BAALC: variants seen among roughly 807,000 people sequenced by gnomAD.
BAALC encodes brain and acute leukemia cytoplasmic protein.
A neutral mutation model predicts 15.5 loss-of-function variants in BAALC; 9 were observed. The ratio of observed to expected loss-of-function variants is 0.58; its 90% CI spans 0.35 to 1.02. BAALC has a LOEUF of 1.02. Among genes scored for constraint, BAALC ranks in the 50% least tolerant of loss-of-function variants. The pLI is 0.02. For missense variants in BAALC, 201 were observed against 192.4 expected (o/e 1.04, Z -0.27); for synonymous variants, 80 against 74.6 (o/e 1.07, Z -0.37).
chr8:103,141,483 T>C, intron 1 of BAALC: 1 of 166,772 alleles, frequency 6.0e-6, no homozygotes, highest in South Asian at 2.0e-4. Flanking sequence ...TCTCATCCAT[T>C]GGCCACCTGG....
At chr8:103,151,333 A>T (rs1810981861) in intron 1 of BAALC, among the ~76,000 whole-genome samples, 1 of 152,158 alleles carries the variant, frequency 6.6e-6, no homozygotes, top group South Asian at 2.1e-4. Context: ...TTTGATTTTA[A>T]CAACAGGCAT....
chr8:103,164,515 A>G (rs1479893423), intron 1 of BAALC, among the ~76,000 whole-genome samples: 4 of 152,188 alleles, frequency 2.6e-5, no homozygotes, highest in African/African-American at 4.8e-5. Context: ...TGTGCCCAAT[A>G]ATATTTCATG....
At chr8:103,189,825 C>T (rs1224172482) in intron 1 of BAALC, among the ~76,000 whole-genome samples, 1 of 152,154 alleles carries the variant, frequency 6.6e-6, no homozygotes, top group Admixed American at 6.5e-5. Flanking sequence ...GGACCAGATG[C>T]AGTGGTGCAA....
At chr8:103,148,373 A>C (rs1057161188) in intron 1 of BAALC, among the ~76,000 whole-genome samples, 13 of 152,082 alleles carry the variant, frequency 8.5e-5, no homozygotes, top group South Asian at 2.1e-4. Context: ...AACCCTGCTG[A>C]TATCTTTTTT....
intron 1 of BAALC, among the ~76,000 whole-genome samples, chr8:103,147,779 C>T (rs545618122): frequency 1.6e-4 from 24 of 152,310 alleles, no homozygotes; most frequent in Middle Eastern, 3.4e-3. Flanking sequence ...CTTTGGCCTC[C>T]GCTGCAAAAT....
At chr8:103,206,792 G>T (rs1459379312) in intron 1 of BAALC, among the ~76,000 whole-genome samples, 1 of 152,134 alleles carries the variant, frequency 6.6e-6, no homozygotes, top group South Asian at 2.1e-4. Flanking sequence ...AGAGAAGCAG[G>T]ATGGGGCAGG....
intron 1 of BAALC, among the ~76,000 whole-genome samples, chr8:103,175,637 T>A (rs558039061): frequency 2.0e-5 from 3 of 152,210 alleles, no homozygotes; most frequent in African/African-American, 7.2e-5. Context: ...TGAAGCAGGA[T>A]TGAATTAAGA....
intron 1 of BAALC, chr8:103,200,835 G>T: frequency 1.7e-6 from 1 of 589,558 alleles, no homozygotes; most frequent in East Asian, 2.8e-5. Flanking sequence ...AACCGTCATG[G>T]CAATTGCTTC....
chr8:103,190,794 TG>T (rs1384295307), intron 1 of BAALC, among the ~76,000 whole-genome samples: 1 of 152,162 alleles, frequency 6.6e-6, no homozygotes, highest in African/African-American at 2.4e-5. Flanking sequence ...TATGCCTCTG[TG>T]AGTCCCCAGA....
intron 1 of BAALC, chr8:103,200,785 A>T: frequency 1.5e-6 from 1 of 679,396 alleles, no homozygotes; most frequent in East Asian, 2.7e-5. Context: ...GCTCCCTTCA[A>T]CCTCTTTTAT....
Position 103,228,155 on chromosome 8 carries a change from G to A in BAALC, c.*56G>A. The A allele has an allele frequency of 1.6e-6, 2 of 1,224,974 alleles. No homozygotes were observed. Among genetic ancestry groups the A allele is most frequent in the Non-Finnish European group, 2.4e-6 (2 of 838,026 alleles). The allele number at this position is 1,224,974 out of a possible 1,614,324, so 75.9% of individuals were successfully genotyped here. Reference sequence around the variant, plus strand: ...TTCTTCAGTGTCCTTCACGGCACTGGATCCCATCAAAGAACCTTGAAGAAG... The same window carrying A: ...TTCTTCAGTGTCCTTCACGGCACTGAATCCCATCAAAGAACCTTGAAGAAG... On this transcript the variant is annotated 3_prime_UTR_variant, in exon 3 of 3. Coordinates refer to ENST00000309982, the MANE Select transcript of BAALC (RefSeq NM_024812.3).
chr8:103,179,843 G>A (rs1811686704), intron 1 of BAALC, among the ~76,000 whole-genome samples: 1 of 152,234 alleles, frequency 6.6e-6, no homozygotes, highest in African/African-American at 2.4e-5. Context: ...CAGTAGTGCA[G>A]GCTGAGGATG....
chr8:103,140,825 T>A lies in BAALC; in HGVS notation c.-73T>A, dbSNP rs1176298409. 1.6e-6 allele frequency: 2 copies of A among 1,286,906 alleles called. No individual in the cohort carries two copies. The highest frequency in any genetic ancestry group is 2.0e-6 in the Non-Finnish European group (2 of 1,010,034). The allele number at this position is 1,286,906 out of a possible 1,614,324, so 79.7% of individuals were successfully genotyped here. On this transcript the variant is annotated 5_prime_UTR_variant, in exon 1 of 3. Transcript: ENST00000309982. The surrounding 1 kb of genome is among the most constrained non-coding windows in gnomAD (Gnocchi z 4.2). ...CCGCCGCCTCCTTGCGGGCCGGGGC[T>A]GCGCCTCCGGGGCTGAGCCGCCGCC... is the stretch of plus-strand genomic sequence containing the variant.
chr8:103,181,796 T>G (rs1455702724), intron 1 of BAALC, among the ~76,000 whole-genome samples: 1 of 152,236 alleles, frequency 6.6e-6, no homozygotes, highest in African/African-American at 2.4e-5. Flanking sequence ...TGCTGCATAC[T>G]GGTGGTGGCA....
intron 1 of BAALC, among the ~76,000 whole-genome samples, chr8:103,142,386 A>G (rs1810797212): frequency 6.6e-6 from 1 of 152,210 alleles, no homozygotes; most frequent in Non-Finnish European, 1.5e-5. Context: ...TCACAGTGGC[A>G]ATCAGAATGG....
At chr8:103,196,834 G>A (rs1812109028) in intron 1 of BAALC, among the ~76,000 whole-genome samples, 1 of 152,198 alleles carries the variant, frequency 6.6e-6, no homozygotes, top group South Asian at 2.1e-4. Flanking sequence ...CAGAAAATGA[G>A]CCTCGTGGTG....
Position 103,213,099 on chromosome 8 carries a change from C to A in BAALC, c.327+14C>A. ...CAGACCACAGAGGTAGGGTTGCAGC[C>A]ACAGAATCAACTGGGGACTGGAGAA... On this transcript the variant is annotated intron_variant, in intron 2 of 2. Coordinates refer to ENST00000309982, the MANE Select transcript of BAALC (RefSeq NM_024812.3). 1.9e-6 allele frequency: 3 copies of A among 1,612,594 alleles called. No homozygotes were observed. Among genetic ancestry groups the A allele is most frequent in the Non-Finnish European group, 2.5e-6 (3 of 1,179,176 alleles).
chr8:103,200,829 G>A (rs1028841197), intron 1 of BAALC: 41 of 597,450 alleles, frequency 6.9e-5, no homozygotes, highest in Middle Eastern at 5.1e-4. Context: ...AGACAGAACC[G>A]TCATGGCAAT....
At position 103,141,002 on chromosome 8, in the gene BAALC, GCCGCCCAGCGCCGCCGCC is replaced by G; in HGVS notation, c.109_126del (p.Pro37_Pro42del). On this transcript the variant is annotated inframe_deletion, in exon 1 of 3. Transcript: ENST00000309982. ...GGCTCACCTACACCGACTCGGACGC[GCCGCCCAGCGCCGCCGCC>G]CCGGACAGCGGCCCCGAAGCGGGCG... 1.3e-6 allele frequency: 2 copies of G among 1,523,918 alleles called. No homozygotes were observed. Among genetic ancestry groups the G allele is most frequent in the Non-Finnish European group, 1.8e-6 (2 of 1,136,238 alleles). The allele number at this position is 1,523,918 out of a possible 1,614,324, so 94.4% of individuals were successfully genotyped here.
Sources: gnomAD v4.1 joint callset for allele counts (sites outside exome capture counted in the v4.1 genomes callset) on GRCh38, gnomAD v4.1.1 for gene constraint, Gnocchi (gnomAD v3.1) non-coding constraint, MANE v1.5 for transcripts, NCBI Gene and HGNC (gene_info 2026-07-23, HGNC 2026-07-21) for gene names.